The following TTC39A variants were observed in gnomAD, a reference collection of about 807,000 sequenced individuals.
TTC39A encodes the protein tetratricopeptide repeat domain 39A.
A neutral mutation model predicts 82.3 loss-of-function variants in TTC39A; 46 were observed. The ratio of observed to expected loss-of-function variants is 0.56; its 90% CI spans 0.44 to 0.71. The LOEUF (loss-of-function observed/expected upper bound fraction) is 0.71, where lower values mean the gene tolerates loss of function less well. Among genes scored for constraint, TTC39A ranks in the 30% least tolerant of loss-of-function variants. The pLI is 0.00. For synonymous variants in TTC39A, 254 were observed against 275.2 expected (o/e 0.92, Z 0.76); for missense variants, 543 against 712.9 (o/e 0.76, Z 2.71).
chr1:51,335,118 C>G (rs1199072338), upstream of TTC39A: 5 of 152,334 alleles, frequency 3.3e-5, no homozygotes, highest in African/African-American at 1.2e-4. Flanking sequence ...TGCGTTACAT[C>G]TGGGAGATGC....
intron 1 of TTC39A, among the ~76,000 whole-genome samples, chr1:51,323,446 A>G (rs545884159): frequency 1.3e-5 from 2 of 152,180 alleles, no homozygotes; most frequent in South Asian, 4.2e-4. Context: ...TCTATGCCCA[A>G]TACCTTCTGG....
At chr1:51,318,349 A>G (rs1295135348) in intron 2 of TTC39A, among the ~76,000 whole-genome samples, 1 of 152,178 alleles carries the variant, frequency 6.6e-6, no homozygotes, top group African/African-American at 2.4e-5. Context: ...GGACATTCCA[A>G]GACAGAGCAG....
At chr1:51,299,783 G>A (rs1374805124) in intron 12 of TTC39A, 1 of 152,334 alleles carries the variant, frequency 6.6e-6, no homozygotes, top group Non-Finnish European at 1.5e-5. Flanking sequence ...TCACTCTACA[G>A]GAAGGCTTCG....
In TTC39A at chr1:51,310,776, T is replaced by C. The variant is rs114588166; in HGVS notation, c.423+478A>G. Reference sequence around the variant, plus strand: ...GGGAAAGTGACCCCTCTCCTCTAAGTCTCCCCTTCACAGGCCTCTGAGGTG... The same window carrying C: ...GGGAAAGTGACCCCTCTCCTCTAAGCCTCCCCTTCACAGGCCTCTGAGGTG... On this transcript the variant is annotated intron_variant, in intron 5 of 17. Transcript: ENST00000680483. Among the ~76,000 whole-genome samples the C allele has an allele frequency of 1.7e-3, 266 of 152,264 alleles. 2 individuals are homozygous for C. The highest frequency in any genetic ancestry group is 6.2e-3 in the African/African-American group (256 of 41,546).
chr1:51,331,824 G>C (rs989237317), upstream of TTC39A: 2 of 985,194 alleles, frequency 2.0e-6, no homozygotes, highest in African/African-American at 3.5e-5. Context: ...GACAAGGGGA[G>C]AGACTGGGGA....
At chr1:51,343,997 G>A (rs542078794) in intron 1 of TTC39A, among the ~76,000 whole-genome samples, 74 of 152,144 alleles carry the variant, frequency 4.9e-4, no homozygotes, top group Middle Eastern at 3.4e-3. Context: ...GGGGAAGGGG[G>A]CCTGATGCAA....
In TTC39A at chr1:51,290,084, T is replaced by C. The variant is rs1644145808; in HGVS notation, c.1414A>G (p.Lys472Glu). Residue 472 changes from lysine (K) to glutamate (E), a missense_variant, in exon 16 of 18, where the codon AAA (lysine) becomes GAA (glutamate). Coordinates refer to ENST00000680483, the MANE Select transcript of TTC39A (RefSeq NM_001297663.2). ...TTCAGACACAGGCCTTTCAACAATT[T>C]CACCAAGCACTCGTCATCCACTGAG... ...EYSVDDECLV[K>E]LLKGLCLKYL... 6.2e-7 allele frequency: 1 copy of C among 1,613,746 alleles called. No homozygotes were observed. The highest frequency in any genetic ancestry group is 8.5e-7 in the Non-Finnish European group (1 of 1,179,860).
intron 12 of TTC39A, chr1:51,299,365 G>C (rs1012542833): frequency 6.6e-6 from 1 of 152,230 alleles, no homozygotes; most frequent in Admixed American, 6.5e-5. Flanking sequence ...CCGTTCATCC[G>C]TCGCTCAGCC....
chr1:51,298,264 G>A (rs1292358741), intron 12 of TTC39A: 1 of 152,268 alleles, frequency 6.6e-6, no homozygotes, highest in Non-Finnish European at 1.5e-5. Flanking sequence ...AGCAACTGCT[G>A]GTGGGCTTTC....
intron 2 of TTC39A, among the ~76,000 whole-genome samples, 166 bp from the exon 3 acceptor site, chr1:51,313,109 A>C (rs1645147192): frequency 6.6e-6 from 1 of 152,136 alleles, no homozygotes; most frequent in Non-Finnish European, 1.5e-5. Flanking sequence ...ACTGCTACTC[A>C]AAAGACCTCG....
At chr1:51,312,273 T>C (rs923879807) in intron 3 of TTC39A, 78 bp from the exon 4 acceptor site, 17 of 1,340,850 alleles carry the variant, frequency 1.3e-5, no homozygotes, top group Admixed American at 4.2e-5. Flanking sequence ...TGCTACACCC[T>C]AGAACATTCC....
At position 51,341,720 on chromosome 1, in the gene TTC39A, A is replaced by C. The variant is rs75061901; in HGVS notation, c.53+3271T>G. On this transcript the variant is annotated intron_variant, in intron 1 of 5. Transcript: ENST00000401051. ...AAAAGCTTCAACACACACACACACA[A>C]AAAAAACCTTGAAATTTTAAATCAC... 3.2e-3 allele frequency among the ~76,000 whole-genome samples: 494 copies of C among 152,202 alleles called. 4 individuals are homozygous for C. Among genetic ancestry groups the C allele is most frequent in the African/African-American group, 4.7e-3 (197 of 41,510 alleles).
chr1:51,295,386 A>C (rs1306716234), intron 13 of TTC39A, among the ~76,000 whole-genome samples: 1 of 152,140 alleles, frequency 6.6e-6, no homozygotes, highest in African/African-American at 2.4e-5. Flanking sequence ...AATTGGGCTC[A>C]ACCTCACCAA....
chr1:51,296,277 G>T, intron 12 of TTC39A, 107 bp from the exon 13 acceptor site: 1 of 1,050,872 alleles, frequency 9.5e-7, no homozygotes, highest in Non-Finnish European at 1.4e-6. Flanking sequence ...AGCTCCCGTT[G>T]TCTCCAAGCC....
At chr1:51,312,278 C>A in intron 3 of TTC39A, 83 bp from the exon 4 acceptor site, 2 of 1,326,552 alleles carry the variant, frequency 1.5e-6, no homozygotes, top group Non-Finnish European at 1.0e-6. Flanking sequence ...CACCCTAGAA[C>A]ATTCCTAAAG....
rs61363859 is a variant in TTC39A at position 51,311,566 on chromosome 1, T to A, written c.356-245A>T. Among the ~76,000 whole-genome samples the A allele has an allele frequency of 8.6e-3, 1,313 of 152,272 alleles. 18 individuals are homozygous for A. Among genetic ancestry groups the A allele is most frequent in the African/African-American group, 0.031 (1,271 of 41,542 alleles). ...CAACATCAGATGCACTGTGGGGCGT[T>A]AGAACCTTCCAGGGCTCTTGAGGAG... is the stretch of plus-strand genomic sequence containing the variant. On this transcript the variant is annotated intron_variant, in intron 4 of 17. Coordinates refer to ENST00000680483, the MANE Select transcript of TTC39A (RefSeq NM_001297663.2).
intron 14 of TTC39A, among the ~76,000 whole-genome samples, chr1:51,293,588 A>T (rs547723343): frequency 3.9e-5 from 6 of 152,212 alleles, no homozygotes; most frequent in Non-Finnish European, 8.8e-5. Flanking sequence ...TACTCAGTTA[A>T]TGAACAGTAC....
intron 2 of TTC39A, among the ~76,000 whole-genome samples, chr1:51,320,134 G>A (rs1645440825): frequency 1.3e-5 from 2 of 152,016 alleles, no homozygotes; most frequent in African/African-American, 4.8e-5. Flanking sequence ...TCCTCCCAAG[G>A]ATAGGTTTCC....
chr1:51,321,021 C>A lies in TTC39A; in HGVS notation c.146+700G>T. Among the ~76,000 whole-genome samples the A allele has an allele frequency of 6.6e-6, 1 of 151,964 alleles. No individual in the cohort carries two copies. Among genetic ancestry groups the A allele is most frequent in the East Asian group, 1.9e-4 (1 of 5,168 alleles). On this transcript the variant is annotated intron_variant, in intron 2 of 17. Transcript: ENST00000680483. The surrounding 1 kb of genome is among the most constrained non-coding windows in gnomAD (Gnocchi z 4.6). ...CTGAGTAGCTGGGATTACAGGCACA[C>A]ACCACCACACCCAGCTAATTTTTTA...
Sources: gnomAD v4.1 joint callset for allele counts (sites outside exome capture counted in the v4.1 genomes callset) on GRCh38, gnomAD v4.1.1 for gene constraint, Gnocchi (gnomAD v3.1) non-coding constraint, MANE v1.5 for transcripts, NCBI Gene and HGNC (gene_info 2026-07-23, HGNC 2026-07-21) for gene names.